BACH2: variants seen among roughly 807,000 people sequenced by gnomAD.
BACH2 encodes the protein BACH transcriptional regulator 2.
In BACH2, 5 loss-of-function variants were observed where a neutral mutation model predicts 61.8. That is an observed-to-expected ratio of 0.08 (90% confidence interval 0.04 to 0.17). The LOEUF (loss-of-function observed/expected upper bound fraction) is 0.17. Ranked by LOEUF, BACH2 falls within the 10% of genes least tolerant of loss-of-function variation. The pLI, the probability that BACH2 is intolerant of heterozygous loss-of-function variation, is 1.00. For missense variants in BACH2, 824 were observed against 1,091.1 expected, an observed-to-expected ratio of 0.76 and a Z score of 3.45; for synonymous variants, 446 against 440.1, an observed-to-expected ratio of 1.01 and a Z score of -0.17.
intron 4 of BACH2, among the ~76,000 whole-genome samples, chr6:90,169,254 G>A (rs554050342): frequency 3.9e-5 from 6 of 151,998 alleles, no homozygotes; most frequent in Non-Finnish European, 7.4e-5. Flanking sequence ...AGTGATTTAT[G>A]TATTTTTCAG....
In BACH2 at chr6:90,232,499, G is replaced by T. The variant is rs948038429; in HGVS notation, c.-275+20014C>A. On this transcript the variant is annotated intron_variant, in intron 3 of 8. Transcript: ENST00000257749. ...GTCCAGTAGATGAACAACAGGCCCA[G>T]AAGGAAAGAGAAATGAAGACCAAGA... Among the ~76,000 whole-genome samples the T allele has an allele frequency of 3.6e-4, 55 of 152,180 alleles. 1 individual carries two copies. Among genetic ancestry groups the T allele is most frequent in the African/African-American group, 1.3e-3 (55 of 41,446 alleles).
At chr6:90,127,660 T>C (rs1296417306) in intron 4 of BACH2, among the ~76,000 whole-genome samples, 2 of 152,204 alleles carry the variant, frequency 1.3e-5, no homozygotes, top group Non-Finnish European at 2.9e-5. Flanking sequence ...TATCTCAAGT[T>C]ACCTGAGATG....
At chr6:90,019,551 T>C (rs187479438) in intron 5 of BACH2, among the ~76,000 whole-genome samples, 11 of 152,350 alleles carry the variant, frequency 7.2e-5, no homozygotes, top group Non-Finnish European at 1.5e-4. Context: ...TACAATTCTA[T>C]GAGTCTATAA....
At chr6:90,289,372 G>C (rs1178016477) in intron 1 of BACH2, among the ~76,000 whole-genome samples, 1 of 152,186 alleles carries the variant, frequency 6.6e-6, no homozygotes, top group African/African-American at 2.4e-5. Context: ...TTGTTCTGAG[G>C]ATTATGTGAG....
intron 4 of BACH2, among the ~76,000 whole-genome samples, chr6:90,203,489 A>C (rs1468673516): frequency 6.6e-6 from 1 of 152,076 alleles, no homozygotes. Flanking sequence ...AAAGCTGCGA[A>C]GAATGTATGA....
chr6:90,070,220 CCTT>C (rs550167073), intron 5 of BACH2, among the ~76,000 whole-genome samples: 125 of 152,264 alleles, frequency 8.2e-4, no homozygotes, highest in African/African-American at 3.0e-3. Flanking sequence ...ACAAAGGACT[CCTT>C]CATCTTCCTT....
chr6:90,150,485 A>G (rs1370640962), intron 4 of BACH2, among the ~76,000 whole-genome samples: 1 of 152,162 alleles, frequency 6.6e-6, no homozygotes, highest in African/African-American at 2.4e-5. Context: ...TACTACGGCC[A>G]CTTCATTACT....
At chr6:90,237,849 C>T (rs768361172) in intron 3 of BACH2, among the ~76,000 whole-genome samples, 6 of 152,136 alleles carry the variant, frequency 3.9e-5, no homozygotes, top group African/African-American at 9.7e-5. Context: ...AGACACTCAA[C>T]GCCCTGGTAG....
intron 5 of BACH2, among the ~76,000 whole-genome samples, chr6:90,012,019 C>T (rs1389622212): frequency 6.6e-6 from 1 of 150,844 alleles, no homozygotes; most frequent in Non-Finnish European, 1.5e-5. Context: ...TAGTCTCAAA[C>T]TCCTGGCGTC....
intron 3 of BACH2, among the ~76,000 whole-genome samples, chr6:90,217,545 T>C (rs1255897546): frequency 1.3e-5 from 2 of 152,186 alleles, no homozygotes; most frequent in African/African-American, 4.8e-5. Context: ...TTTCTTTCTG[T>C]TTTCAAATAT....
At chr6:90,149,735 A>T (rs914613882) in intron 4 of BACH2, among the ~76,000 whole-genome samples, 27 of 152,186 alleles carry the variant, frequency 1.8e-4, no homozygotes, top group African/African-American at 6.0e-4. Flanking sequence ...TCCTGCTCTA[A>T]AGGTATCAAG....
intron 6 of BACH2, among the ~76,000 whole-genome samples, chr6:89,983,711 C>T (rs956446094): frequency 3.3e-5 from 5 of 152,180 alleles, no homozygotes; most frequent in Non-Finnish European, 7.4e-5. Flanking sequence ...TCCTTAGTCA[C>T]ACACGTGGCT....
chr6:90,250,245 TCTAACATATCCTCTTTCC>T, intron 3 of BACH2, among the ~76,000 whole-genome samples: 1 of 152,120 alleles, frequency 6.6e-6, no homozygotes. Context: ...GGGCAAATCA[TCTAACATATCCTCTTTCC>T]TTTTGCAATC....
At chr6:90,102,833 T>TAATAAA (rs1554246212) in intron 4 of BACH2, among the ~76,000 whole-genome samples, 3 of 133,014 alleles carry the variant, frequency 2.3e-5, no homozygotes, top group African/African-American at 8.7e-5. Context: ...ATAATAATAA[T>TAATAAA]AATAATAAAA....
intron 6 of BACH2, among the ~76,000 whole-genome samples, chr6:89,972,082 C>A (rs563921870): frequency 1.3e-5 from 2 of 152,288 alleles, no homozygotes; most frequent in Admixed American, 6.5e-5. Flanking sequence ...TAAGAGAGAA[C>A]ATAGCATGCA....
chr6:89,941,337 T>C (rs551067872), intron 7 of BACH2, among the ~76,000 whole-genome samples: 1 of 152,348 alleles, frequency 6.6e-6, no homozygotes, highest in Non-Finnish European at 1.5e-5. Flanking sequence ...TCCGAGCTTG[T>C]GCAGTGTGGC....
chr6:90,293,959 A>G (rs1215446219), intron 1 of BACH2, among the ~76,000 whole-genome samples: 4 of 152,238 alleles, frequency 2.6e-5, no homozygotes, highest in African/African-American at 9.6e-5. Context: ...ATTCAATAGG[A>G]AAATAATAAA....
chr6:89,986,570 G>A (rs1045318326), intron 6 of BACH2, among the ~76,000 whole-genome samples: 1 of 151,856 alleles, frequency 6.6e-6, no homozygotes, highest in Non-Finnish European at 1.5e-5. Flanking sequence ...TCTTTTCTCT[G>A]ACATTTTCCC....
chr6:90,081,653 G>C (rs1407220929), intron 5 of BACH2, among the ~76,000 whole-genome samples: 1 of 152,024 alleles, frequency 6.6e-6, no homozygotes, highest in Non-Finnish European at 1.5e-5. Flanking sequence ...TCCTTTACAC[G>C]GGATGATAAA....
Sources: allele counts gnomAD v4.1 joint callset (sites outside exome capture counted in the v4.1 genomes callset), GRCh38; gene constraint gnomAD v4.1.1; transcripts MANE v1.5; gene names NCBI Gene and HGNC (gene_info 2026-07-23, HGNC 2026-07-21).